Variants in SGIP1 observed in about 807,000 individuals in gnomAD.
SGIP1 encodes SH3-containing GRB2-like protein 3-interacting protein 1.
SGIP1 carries 38 observed loss-of-function variants against 107.5 expected under a neutral mutation model. The observed-to-expected ratio is 0.35, with a 90% CI of 0.27 to 0.46. The LOEUF is 0.46. Among genes scored for constraint, SGIP1 ranks in the 20% least tolerant of loss-of-function variants. The pLI is 1.00. For synonymous variants in SGIP1, 365 were observed against 366.1 expected, an observed-to-expected ratio of 1.00 and a Z score of 0.03; for missense variants, 929 against 1,019.5, an observed-to-expected ratio of 0.91 and a Z score of 1.21.
chr1:66,620,003 G>T (rs2070527533), intron 1 of SGIP1, among the ~76,000 whole-genome samples: 1 of 152,134 alleles, frequency 6.6e-6, no homozygotes, highest in South Asian at 2.1e-4. Flanking sequence ...CCTTTCTAAA[G>T]GTTTCCTCTA....
intron 7 of SGIP1, among the ~76,000 whole-genome samples, chr1:66,647,835 C>T (rs12093843): frequency 0.23 from 35,451 of 152,006 alleles, 4,845 homozygotes; most frequent in African/African-American, 0.38. Flanking sequence ...TTTTATTAAA[C>T]CAAATATGTA....
intron 2 of SGIP1, 108 bp downstream of exon 2, chr1:66,626,018 T>C: frequency 1.4e-6 from 1 of 710,494 alleles, no homozygotes; most frequent in African/African-American, 1.8e-5. Flanking sequence ...TGTGTACTAT[T>C]TGCTTTCCTC....
At position 66,679,847 on chromosome 1, in the gene SGIP1, CACAAAA is replaced by C. The variant is rs1431541743; in HGVS notation, c.814+99_814+104del. 8 of 1,118,894 alleles carry C rather than the reference CACAAAA, an allele frequency of 7.1e-6. No homozygotes were observed. In the African/African-American group the frequency reaches 1.2e-4, roughly 16 times the overall value. 69.3% of individuals were successfully genotyped at this position (1,118,894 alleles called of 1,614,324 possible). ...TTGATGTGTTGAAAACTGTAGGCTA[CACAAAA>C]ACATCACAATGTTGGCATTCAGTTT... is the stretch of plus-strand genomic sequence containing the variant. On this transcript the variant is annotated intron_variant, in intron 14 of 24. Transcript: ENST00000371037.
intron 20 of SGIP1, among the ~76,000 whole-genome samples, chr1:66,732,968 A>G (rs2094083616): frequency 6.6e-6 from 1 of 152,130 alleles, no homozygotes; most frequent in East Asian, 1.9e-4. Context: ...ACGGGAAATG[A>G]GTTATATGTT....
At chr1:66,539,130 C>G (rs993119396) in intron 1 of SGIP1, among the ~76,000 whole-genome samples, 3 of 152,028 alleles carry the variant, frequency 2.0e-5, no homozygotes, top group East Asian at 3.9e-4. Flanking sequence ...TGAGATAATT[C>G]TAAAGGAGTT....
At chr1:66,688,061 C>T (rs1303787984) in intron 15 of SGIP1, among the ~76,000 whole-genome samples, 1 of 152,084 alleles carries the variant, frequency 6.6e-6, no homozygotes, top group African/African-American at 2.4e-5. Flanking sequence ...GATATAAAAA[C>T]TCTCCAGAGA....
At chr1:66,688,895 A>C (rs532090346) in intron 15 of SGIP1, among the ~76,000 whole-genome samples, 21 of 152,220 alleles carry the variant, frequency 1.4e-4, no homozygotes, top group African/African-American at 4.8e-4. Context: ...AGAGCAATAA[A>C]AGGATTTACC....
chr1:66,679,819 C>G, intron 14 of SGIP1, 67 bp downstream of exon 14: 1 of 1,384,284 alleles, frequency 7.2e-7, no homozygotes, highest in Non-Finnish European at 9.7e-7. Context: ...GATGAACATG[C>G]CCTTGATGTG....
At chr1:66,642,923 A>T in intron 6 of SGIP1, 59 bp downstream of exon 6, 1 of 1,397,428 alleles carries the variant, frequency 7.2e-7, no homozygotes, top group Non-Finnish European at 9.9e-7. Context: ...ACAGTAGGAT[A>T]AATTCAGATT....
chr1:66,684,599 C>T (rs1277377459), intron 15 of SGIP1, among the ~76,000 whole-genome samples: 1 of 152,166 alleles, frequency 6.6e-6, no homozygotes, highest in Non-Finnish European at 1.5e-5. Flanking sequence ...TTAAAGAACA[C>T]CCACTTCCCT....
chr1:66,656,709 TTC>T (rs1427869731), intron 7 of SGIP1, among the ~76,000 whole-genome samples: 8 of 152,202 alleles, frequency 5.3e-5, no homozygotes, highest in African/African-American at 1.9e-4. Context: ...TTTTCTGTTG[TTC>T]ACTAATGTCC....
At chr1:66,660,456 T>C (rs2081243483) in intron 7 of SGIP1, 57 bp from the exon 8 acceptor site, 2 of 1,531,108 alleles carry the variant, frequency 1.3e-6, no homozygotes, top group East Asian at 2.3e-5. Context: ...TTCTTGAAAA[T>C]ACATTTCACC....
In SGIP1 at chr1:66,630,801, CGGAAAGAAAGAAAGAA is replaced by C. The variant is rs1434009935; in HGVS notation, c.75-2268_75-2253del. Among the ~76,000 whole-genome samples the C allele has an allele frequency of 6.9e-3, 400 of 57,990 alleles. 45 individuals carry two copies. The highest frequency in any genetic ancestry group is 0.032 in the East Asian group (39 of 1,222). The allele number at this position is 57,990 out of a possible 152,430, so 38.0% of individuals were successfully genotyped here. ...AGCCTGGGTGACAAGAGCAAAACTC[CGGAAAGAAAGAAAGAA>C]AGAAAGAAAGAAAGAAAGAAAGAAA... On this transcript the variant is annotated intron_variant, in intron 2 of 24. Transcript: ENST00000371037.
At chr1:66,640,170 C>G (rs2076510942) in intron 5 of SGIP1, among the ~76,000 whole-genome samples, 4 of 152,176 alleles carry the variant, frequency 2.6e-5, no homozygotes, top group African/African-American at 7.2e-5. Flanking sequence ...ACACCCTGAT[C>G]TAGCCCCCAC....
chr1:66,579,838 T>C (rs1232717707), intron 1 of SGIP1, among the ~76,000 whole-genome samples: 1 of 152,170 alleles, frequency 6.6e-6, no homozygotes, highest in Non-Finnish European at 1.5e-5. Flanking sequence ...TTCCCCATCT[T>C]AGTAAATGCC....
intron 18 of SGIP1, among the ~76,000 whole-genome samples, chr1:66,700,226 C>T (rs2150212093): frequency 1.3e-5 from 2 of 152,210 alleles, no homozygotes; most frequent in South Asian, 4.1e-4. Flanking sequence ...CAAAAATTAG[C>T]AGGGCATGGT....
At chr1:66,635,854 T>G in intron 3 of SGIP1, 90 bp from the exon 4 acceptor site, 1 of 1,337,944 alleles carries the variant, frequency 7.5e-7, no homozygotes, top group Non-Finnish European at 1.1e-6. Context: ...TATGGTATGT[T>G]TGCTGACTCC....
At chr1:66,690,115 G>A (rs2089492647) in intron 16 of SGIP1, 75 bp from the exon 17 acceptor site, 2 of 1,559,160 alleles carry the variant, frequency 1.3e-6, no homozygotes, top group Non-Finnish European at 1.8e-6. Context: ...CTGGGGCTGG[G>A]AGACATTAAA....
intron 1 of SGIP1, among the ~76,000 whole-genome samples, chr1:66,565,061 T>C (rs1367342585): frequency 6.6e-6 from 1 of 151,976 alleles, no homozygotes; most frequent in Non-Finnish European, 1.5e-5. Context: ...AGACAGTAGA[T>C]GTAAAACCAG....
Sources: allele counts gnomAD v4.1 joint callset (sites outside exome capture counted in the v4.1 genomes callset), GRCh38; gene constraint gnomAD v4.1.1; transcripts MANE v1.5; gene names NCBI Gene and HGNC (gene_info 2026-07-23, HGNC 2026-07-21).